Variants in NCAM2 observed in about 807,000 individuals in gnomAD.
NCAM2 encodes N-CAM-2.
Under a neutral mutation model 98.1 loss-of-function variants are expected in NCAM2, and 30 were observed. That is an observed-to-expected ratio of 0.31 (90% CI 0.23 to 0.41). NCAM2 has a LOEUF of 0.41. NCAM2 is among the 10% of genes least tolerant of loss of function. NCAM2 has a pLI of 1.00. For missense variants in NCAM2, 867 were observed against 1,005.8 expected (o/e 0.86, Z 1.87); for synonymous variants, 368 against 342.4 (o/e 1.07, Z -0.83).
chr21:21,515,737 C>A (rs1385304587), intron 16 of NCAM2, among the ~76,000 whole-genome samples: 1 of 152,056 alleles, frequency 6.6e-6, no homozygotes, highest in Non-Finnish European at 1.5e-5. Context: ...TGAACTAATA[C>A]TGATAAGACA....
At chr21:21,399,465 G>A (rs2076582317) in intron 9 of NCAM2, among the ~76,000 whole-genome samples, 1 of 152,182 alleles carries the variant, frequency 6.6e-6, no homozygotes, top group Admixed American at 6.5e-5. Flanking sequence ...TTTCACTCTA[G>A]TATGTGAATG....
At chr21:21,529,615 T>C (rs1162111736) in intron 16 of NCAM2, among the ~76,000 whole-genome samples, 3 of 152,002 alleles carry the variant, frequency 2.0e-5, no homozygotes, top group African/African-American at 7.2e-5. Flanking sequence ...TCATGATTTA[T>C]TAATTGCATG....
At chr21:21,325,682 C>T (rs1382328546) in intron 6 of NCAM2, among the ~76,000 whole-genome samples, 1 of 152,188 alleles carries the variant, frequency 6.6e-6, no homozygotes, top group African/African-American at 2.4e-5. Flanking sequence ...GCTACTGAAT[C>T]ATTCATTCCA....
chr21:21,416,828 CT>C (rs1569039837), intron 10 of NCAM2, among the ~76,000 whole-genome samples: 1 of 151,962 alleles, frequency 6.6e-6, no homozygotes, highest in African/African-American at 2.4e-5. Flanking sequence ...TGTTGCTTTC[CT>C]AGAATACATC....
intron 16 of NCAM2, among the ~76,000 whole-genome samples, chr21:21,518,223 G>T (rs1242627465): frequency 6.6e-6 from 1 of 151,878 alleles, no homozygotes; most frequent in Non-Finnish European, 1.5e-5. Flanking sequence ...TAGATTGTTT[G>T]TCTATGACCA....
chr21:21,034,055 G>GC (rs889177083), intron 1 of NCAM2, among the ~76,000 whole-genome samples: 9 of 151,148 alleles, frequency 6.0e-5, no homozygotes, highest in South Asian at 4.3e-4. Context: ...TAGGCAAAGG[G>GC]GGGGGGGAAA....
chr21:21,419,811 C>T (rs1018488828), intron 11 of NCAM2, among the ~76,000 whole-genome samples: 4 of 152,040 alleles, frequency 2.6e-5, no homozygotes, highest in African/African-American at 7.3e-5. Flanking sequence ...AATAGTGCCG[C>T]GATAAACATA....
chr21:21,450,793 T>TACACACACACACAC, intron 12 of NCAM2, among the ~76,000 whole-genome samples: 1 of 143,532 alleles, frequency 7.0e-6, no homozygotes. Context: ...TATGTATGTA[T>TACACACACACACAC]ACACACACAC....
chr21:21,324,406 C>A lies in NCAM2; in HGVS notation c.643C>A (p.Gln215Lys), dbSNP rs1296975443. ...VNVPPAISMP[Q>K]KSFNATAERG... Reference sequence around the variant, plus strand: ...AGTGCCGCCAGCAATCTCAATGCCTCAGAAATCTTTTAATGCCACAGCAGA... The same window carrying A: ...AGTGCCGCCAGCAATCTCAATGCCTAAGAAATCTTTTAATGCCACAGCAGA... The change falls in exon 6 of 18, where the codon CAG (glutamine) becomes AAG (lysine). Residue 215 changes from glutamine (Q) to lysine (K), a missense_variant. Transcript: ENST00000400546. The A allele has an allele frequency of 1.5e-5, 25 of 1,613,420 alleles. No individual in the cohort carries two copies. The highest frequency in any genetic ancestry group is 2.1e-5 in the Non-Finnish European group (25 of 1,179,536).
chr21:21,530,725 A>C (rs866014704), intron 16 of NCAM2, among the ~76,000 whole-genome samples: 1 of 152,028 alleles, frequency 6.6e-6, no homozygotes, highest in Middle Eastern at 3.4e-3. Flanking sequence ...AGATATAATA[A>C]AGTATTTCTC....
chr21:21,206,535 G>A (rs1288079768), intron 1 of NCAM2, among the ~76,000 whole-genome samples: 1 of 152,052 alleles, frequency 6.6e-6, no homozygotes, highest in Non-Finnish European at 1.5e-5. Flanking sequence ...AACATTTAAT[G>A]GCATCACGAA....
chr21:21,436,248 G>T (rs769687007), intron 12 of NCAM2, among the ~76,000 whole-genome samples: 1 of 152,142 alleles, frequency 6.6e-6, no homozygotes, highest in Non-Finnish European at 1.5e-5. Flanking sequence ...TTTTGTTTCT[G>T]TGATTTCAAT....
intron 16 of NCAM2, among the ~76,000 whole-genome samples, chr21:21,532,274 G>A (rs896936079): frequency 6.6e-6 from 1 of 151,900 alleles, no homozygotes; most frequent in African/African-American, 2.4e-5. Flanking sequence ...CTAAAACTCA[G>A]TGTTAGTTCA....
intron 1 of NCAM2, among the ~76,000 whole-genome samples, chr21:21,018,545 A>T (rs1365077349): frequency 6.6e-6 from 1 of 152,348 alleles, no homozygotes; most frequent in African/African-American, 2.4e-5. Flanking sequence ...TAAGTATTGG[A>T]TCATAAAATT....
chr21:21,091,966 T>C (rs1326858186), intron 1 of NCAM2, among the ~76,000 whole-genome samples: 1 of 152,150 alleles, frequency 6.6e-6, no homozygotes. Context: ...TAGATACCTC[T>C]GTTTTTAGTA....
chr21:21,248,979 G>T (rs2071385838), intron 1 of NCAM2, among the ~76,000 whole-genome samples: 1 of 151,970 alleles, frequency 6.6e-6, no homozygotes, highest in Non-Finnish European at 1.5e-5. Context: ...TTGTTTGACT[G>T]CCTGGGTTAT....
chr21:21,421,101 G>A (rs1340178908), intron 11 of NCAM2, among the ~76,000 whole-genome samples: 3 of 151,522 alleles, frequency 2.0e-5, no homozygotes, highest in South Asian at 2.1e-4. Flanking sequence ...TGTGTTTTTC[G>A]ATTAGGTACA....
chr21:21,454,130 T>C (rs1047565321), intron 12 of NCAM2, among the ~76,000 whole-genome samples: 1 of 152,134 alleles, frequency 6.6e-6, no homozygotes, highest in Admixed American at 6.6e-5. Flanking sequence ...AGAGAAATCA[T>C]ACTTTTCCTG....
At chr21:21,474,060 A>G (rs1427469419) in intron 14 of NCAM2, among the ~76,000 whole-genome samples, 1 of 152,016 alleles carries the variant, frequency 6.6e-6, no homozygotes, top group African/African-American at 2.4e-5. Context: ...TTTTGCAACT[A>G]GATTATCTTA....
Sources: allele counts gnomAD v4.1 joint callset (sites outside exome capture counted in the v4.1 genomes callset), GRCh38; gene constraint gnomAD v4.1.1; transcripts MANE v1.5; gene names NCBI Gene and HGNC (gene_info 2026-07-23, HGNC 2026-07-21).